The following NELL2 variants were observed in gnomAD, a reference collection of about 807,000 sequenced individuals.
NELL2 encodes protein kinase C-binding protein NELL2.
NELL2 carries 41 observed loss-of-function variants against 109.6 expected under a neutral mutation model. The observed-to-expected ratio is 0.37, with a 90% CI of 0.29 to 0.49. The LOEUF (loss-of-function observed/expected upper bound fraction) is 0.49, where lower values mean the gene tolerates loss of function less well. Among genes scored for constraint, NELL2 ranks in the 20% least tolerant of loss-of-function variants. The probability of loss-of-function intolerance (pLI) is 0.98; values close to 1 mark genes in which losing one functional copy is unlikely to be tolerated. For missense variants in NELL2, 900 were observed against 1,008.3 expected (o/e 0.89, Z 1.45); for synonymous variants, 355 against 344.7 (o/e 1.03, Z -0.33).
intron 2 of NELL2, among the ~76,000 whole-genome samples, chr12:44,817,902 C>T (rs1245734798): frequency 6.6e-6 from 1 of 152,154 alleles, no homozygotes; most frequent in African/African-American, 2.4e-5. Flanking sequence ...CTGACCAATC[C>T]GGGCATCACC....
At chr12:44,587,284 A>AATAT (rs1555180982) in intron 15 of NELL2, among the ~76,000 whole-genome samples, 2 of 72,218 alleles carry the variant, frequency 2.8e-5, no homozygotes, top group Admixed American at 1.6e-4. Context: ...AAAAAAAAAA[A>AATAT]ATATATATAT....
At chr12:44,577,904 C>T (rs1205158724) in intron 15 of NELL2, among the ~76,000 whole-genome samples, 3 of 152,136 alleles carry the variant, frequency 2.0e-5, no homozygotes, top group Non-Finnish European at 4.4e-5. Context: ...TTTTTGAATT[C>T]TGCCTAGATT....
intron 15 of NELL2, among the ~76,000 whole-genome samples, chr12:44,597,464 T>C (rs1012600641): frequency 6.6e-6 from 1 of 152,220 alleles, no homozygotes; most frequent in Non-Finnish European, 1.5e-5. Context: ...TTTTGTTTCA[T>C]AGACCCTGTT....
intron 2 of NELL2, among the ~76,000 whole-genome samples, chr12:44,872,117 A>T (rs574818132): frequency 2.6e-4 from 40 of 152,250 alleles, no homozygotes; most frequent in African/African-American, 5.1e-4. Context: ...ATCTTGGGGA[A>T]TACTTCCTAG....
At chr12:44,604,328 C>A (rs765820511) in intron 15 of NELL2, among the ~76,000 whole-genome samples, 10 of 151,880 alleles carry the variant, frequency 6.6e-5, no homozygotes, top group Non-Finnish European at 1.5e-4. Flanking sequence ...ATCAGAAGAC[C>A]CAAGTTCTAG....
chr12:44,660,755 T>C (rs1406501126), intron 13 of NELL2, among the ~76,000 whole-genome samples: 1 of 152,100 alleles, frequency 6.6e-6, no homozygotes, highest in Non-Finnish European at 1.5e-5. Flanking sequence ...TCCTTTTTTG[T>C]TGTAGTAGAG....
At chr12:44,635,511 G>A (rs1048981063) in intron 13 of NELL2, among the ~76,000 whole-genome samples, 4 of 152,156 alleles carry the variant, frequency 2.6e-5, no homozygotes, top group African/African-American at 9.7e-5. Flanking sequence ...TGGCTAGCCA[G>A]TTTTCCCAAC....
chr12:44,823,192 GA>G (rs1389398739), intron 2 of NELL2, among the ~76,000 whole-genome samples: 3 of 152,126 alleles, frequency 2.0e-5, no homozygotes, highest in Non-Finnish European at 2.9e-5. Flanking sequence ...TATCTATGGT[GA>G]AATGATTACT....
intron 15 of NELL2, among the ~76,000 whole-genome samples, chr12:44,539,473 C>A (rs1942447331): frequency 6.6e-6 from 1 of 151,916 alleles, no homozygotes; most frequent in South Asian, 2.1e-4. Context: ...TGATATATTT[C>A]CTATTTCTCT....
At chr12:44,597,292 T>C (rs1945004564) in intron 15 of NELL2, among the ~76,000 whole-genome samples, 1 of 152,188 alleles carries the variant, frequency 6.6e-6, no homozygotes, top group South Asian at 2.1e-4. Flanking sequence ...ATATTCCTGA[T>C]GAAGATTTAT....
chr12:44,854,913 A>G (rs1280594589), intron 2 of NELL2, among the ~76,000 whole-genome samples: 1 of 152,198 alleles, frequency 6.6e-6, no homozygotes, highest in Admixed American at 6.5e-5. Flanking sequence ...GTTGTCCAAT[A>G]GAAGTATAAG....
chr12:44,524,937 A>G (rs576649182), intron 16 of NELL2, among the ~76,000 whole-genome samples: 58 of 152,338 alleles, frequency 3.8e-4, no homozygotes, highest in African/African-American at 1.4e-3. Flanking sequence ...AAATTTTATT[A>G]GCTAGTTTTA....
chr12:44,781,651 C>T (rs990400774), intron 3 of NELL2, among the ~76,000 whole-genome samples: 1 of 151,954 alleles, frequency 6.6e-6, no homozygotes, highest in African/African-American at 2.4e-5. Flanking sequence ...TGAAAGTAGA[C>T]AGAGAAAATC....
chr12:44,666,435 C>G (rs1947928372), intron 12 of NELL2, among the ~76,000 whole-genome samples: 1 of 152,116 alleles, frequency 6.6e-6, no homozygotes. Context: ...ATTTCCCATC[C>G]AGAAGTCTGC....
chr12:44,917,251 G>A (rs191243073), upstream of NELL2, among the ~76,000 whole-genome samples: 42 of 152,242 alleles, frequency 2.8e-4, no homozygotes, highest in African/African-American at 9.9e-4. Flanking sequence ...GTCTCACTTT[G>A]ACCTCTTGAT....
At chr12:44,532,113 A>T (rs764917820) in intron 16 of NELL2, among the ~76,000 whole-genome samples, 7 of 152,132 alleles carry the variant, frequency 4.6e-5, no homozygotes, top group Non-Finnish European at 7.4e-5. Flanking sequence ...ATCACTAAAC[A>T]TCTCTTACTT....
At chr12:44,535,892 A>T (rs867925485) in intron 15 of NELL2, among the ~76,000 whole-genome samples, 1 of 151,926 alleles carries the variant, frequency 6.6e-6, no homozygotes, top group African/African-American at 2.4e-5. Context: ...GTGAAATGCA[A>T]TGCCTTAATT....
intron 13 of NELL2, among the ~76,000 whole-genome samples, chr12:44,658,021 T>C (rs927185076): frequency 6.6e-6 from 1 of 152,190 alleles, no homozygotes; most frequent in African/African-American, 2.4e-5. Context: ...TGCCAAATGG[T>C]ATTTCTGGTT....
At chr12:44,825,197 GGT>G (rs1464562860) in intron 2 of NELL2, among the ~76,000 whole-genome samples, 1 of 151,914 alleles carries the variant, frequency 6.6e-6, no homozygotes, top group Non-Finnish European at 1.5e-5. Context: ...CATAACTATG[GGT>G]AGTATGGATA....
Sources: gnomAD v4.1 joint callset for allele counts (sites outside exome capture counted in the v4.1 genomes callset) on GRCh38, gnomAD v4.1.1 for gene constraint, MANE v1.5 for transcripts, NCBI Gene and HGNC (gene_info 2026-07-23, HGNC 2026-07-21) for gene names.